The following CCDC185 variants were observed in gnomAD, a reference collection of about 807,000 sequenced individuals.
The protein encoded by CCDC185 is coiled-coil domain-containing protein 185.
For synonymous variants in CCDC185, 381 were observed against 348.1 expected, an observed-to-expected ratio of 1.09 and a Z score of -1.05; for missense variants, 982 against 825.3, an observed-to-expected ratio of 1.19 and a Z score of -2.33.
Position 223,395,007 on chromosome 1 carries a change from A to T in CCDC185, c.1532A>T (p.Asp511Val). Residue 511 changes from aspartate to valine, a missense_variant, in exon 1 of 1, where the codon GAT becomes GTT. Transcript: ENST00000366875. ...AAAAGAATTCTGGTGGAGCTGGCGG[A>T]TGAGAAGATCCGACAGGCCAGGAGT... ...MRKRILVELADEKIRQARSHV... is the reference protein window; with the variant it reads ...MRKRILVELAVEKIRQARSHV... The T allele has an allele frequency of 6.2e-7, 1 of 1,614,084 alleles. No homozygotes were observed. The highest frequency in any genetic ancestry group is 8.5e-7 in the Non-Finnish European group (1 of 1,180,004).
In CCDC185 at chr1:223,395,135, G is replaced by C. The variant is rs764756867; in HGVS notation, c.1660G>C (p.Glu554Gln). The C allele has an allele frequency of 1.9e-6, 3 of 1,614,010 alleles. No individual in the cohort carries two copies. In the African/African-American group the frequency reaches 4.0e-5, roughly 22 times the overall value. The change falls in exon 1 of 1, where the codon GAA (glutamate) becomes CAA (glutamine). Residue 554 changes from glutamate (E) to glutamine (Q), a missense_variant. Transcript: ENST00000366875. The part of the protein sequence containing the change: ...HILKLKAEKE[E>Q]KCHIEGIKEA... ...CCTGAAACTGAAAGCCGAGAAGGAGGAAAAGTGTCACATTGAGGGCATCAA... is the reference window on the plus strand; with the variant it reads ...CCTGAAACTGAAAGCCGAGAAGGAGCAAAAGTGTCACATTGAGGGCATCAA...
Position 223,393,660 on chromosome 1 carries a change from C to G in CCDC185, c.185C>G (p.Pro62Arg). The G allele has an allele frequency of 3.2e-6, 5 of 1,562,872 alleles. No homozygotes were observed. Among genetic ancestry groups the G allele is most frequent in the Non-Finnish European group, 4.3e-6 (5 of 1,159,498 alleles). ...GAAGCTGGGGCGTGCTGGCTGCACC[C>G]GCACTGTTCGTTCACCCCGCGGCCT... ...ESEAGACWLH[P>R]HCSFTPRPRR... is the part of the protein sequence containing the mutation. The change falls in exon 1 of 1, where the codon CCG becomes CGG. Residue 62 changes from proline to arginine, a missense_variant. Pro to Arg is a moderately radical substitution (Grantham distance 103). Transcript: ENST00000366875. This position sits in a 1 kb window ranked among gnomAD's most constrained non-coding sequence, Gnocchi z 4.8.
chr1:223,394,230 T>G lies in CCDC185; in HGVS notation c.755T>G (p.Val252Gly). 1 of 1,613,912 alleles carries G rather than the reference T, an allele frequency of 6.2e-7. No individual in the cohort carries two copies. The highest frequency in any genetic ancestry group is 8.5e-7 in the Non-Finnish European group (1 of 1,180,032). The change falls in exon 1 of 1, where the codon GTG (valine) becomes GGG (glycine). Residue 252 changes from valine (V) to glycine (G), a missense_variant. By Grantham distance (109) the Val-to-Gly change is moderately radical (BLOSUM62 -3). Coordinates refer to ENST00000366875, the MANE Select transcript of CCDC185 (RefSeq NM_152610.3). Reference protein sequence around the residue: ...VLKSKLEEVVVSSQDQQIVAL... With the variant: ...VLKSKLEEVVGSSQDQQIVAL... ...AAGAGCAAGCTGGAAGAGGTGGTGG[T>G]GTCCTCCCAGGACCAGCAGATTGTG... is the stretch of plus-strand genomic sequence containing the variant.
rs1175836598 is a variant in CCDC185, at chr1:223,393,660, C to T, written c.185C>T (p.Pro62Leu). 2.6e-6 allele frequency: 4 copies of T among 1,562,872 alleles called. No individual in the cohort carries two copies. In the African/African-American group the frequency reaches 4.1e-5, roughly 16 times the overall value. ...GAAGCTGGGGCGTGCTGGCTGCACCCGCACTGTTCGTTCACCCCGCGGCCT... is the reference window on the plus strand; with the variant it reads ...GAAGCTGGGGCGTGCTGGCTGCACCTGCACTGTTCGTTCACCCCGCGGCCT... ...ESEAGACWLH[P>L]HCSFTPRPRR... The change falls in exon 1 of 1, where the codon CCG becomes CTG. Residue 62 changes from proline (P) to leucine (L), a missense_variant. By Grantham distance (98) the Pro-to-Leu change is moderately conservative. Transcript: ENST00000366875. This position sits in a 1 kb window ranked among gnomAD's most constrained non-coding sequence, Gnocchi z 4.8.
chr1:223,394,947 G>T lies in CCDC185; in HGVS notation c.1472G>T (p.Arg491Leu). ...EEEQLQQARW[R>L]AGESEEQRKM... ...GAGCAGTTGCAGCAGGCCAGGTGGC[G>T]CGCAGGGGAGTCAGAGGAACAGAGG... The change falls in exon 1 of 1, where the codon CGC becomes CTC. Residue 491 changes from arginine to leucine, a missense_variant. Physicochemically the swap from Arg to Leu is moderately radical, Grantham distance 102. Transcript: ENST00000366875. 1 of 1,614,154 alleles carries T rather than the reference G, an allele frequency of 6.2e-7. No individual in the cohort carries two copies. The highest frequency in any genetic ancestry group is 1.3e-5 in the African/African-American group (1 of 75,032).
rs1220552823 is a variant in CCDC185, at chr1:223,394,148, G to T, written c.673G>T (p.Asp225Tyr). ...SDQVESLASR[D>Y]SQPLASSKEM... The stretch of plus-strand genomic sequence containing the variant: ...CCAGGTTGAGTCATTAGCCAGCCGG[G>T]ACTCCCAGCCCTTGGCCTCCAGCAA... The change falls in exon 1 of 1, where the codon GAC becomes TAC. Residue 225 changes from aspartate (D) to tyrosine (Y), a missense_variant. By Grantham distance (160) the Asp-to-Tyr change is radical (BLOSUM62 -3). Transcript: ENST00000366875. 6.2e-7 allele frequency: 1 copy of T among 1,613,982 alleles called. No individual in the cohort carries two copies. Among genetic ancestry groups the T allele is most frequent in the Non-Finnish European group, 8.5e-7 (1 of 1,180,046 alleles).
rs772088817 is a variant in CCDC185 at position 223,393,678 on chromosome 1, C to A, written c.203C>A (p.Pro68Gln). ...CWLHPHCSFTPRPRRRGCSDS... is the reference protein window; with the variant it reads ...CWLHPHCSFTQRPRRRGCSDS... ...CTGCACCCGCACTGTTCGTTCACCC[C>A]GCGGCCTCGCAGGCGCGGGTGCTCA... The change falls in exon 1 of 1, where the codon CCG (proline) becomes CAG (glutamine). Residue 68 changes from proline (P) to glutamine (Q), a missense_variant. Coordinates refer to ENST00000366875, the MANE Select transcript of CCDC185 (RefSeq NM_152610.3). The surrounding 1 kb of genome is among the most constrained non-coding windows in gnomAD (Gnocchi z 4.8). 19 of 1,571,208 alleles carry A rather than the reference C, an allele frequency of 1.2e-5. No individual in the cohort carries two copies. The highest frequency in any genetic ancestry group is 1.5e-5 in the Non-Finnish European group (18 of 1,163,820).
At position 223,393,684 on chromosome 1, in the gene CCDC185, C is replaced by A; in HGVS notation, c.209C>A (p.Pro70His). ...CCGCACTGTTCGTTCACCCCGCGGC[C>A]TCGCAGGCGCGGGTGCTCAGATTCA... ...LHPHCSFTPR[P>H]RRRGCSDSLR... Residue 70 changes from proline to histidine, a missense_variant, in exon 1 of 1, where the codon CCT (proline) becomes CAT (histidine). Transcript: ENST00000366875. The surrounding 1 kb of genome is among the most constrained non-coding windows in gnomAD (Gnocchi z 4.8). 6.4e-7 allele frequency: 1 copy of A among 1,572,018 alleles called. No homozygotes were observed.
In CCDC185 at chr1:223,395,200, T is replaced by A. The variant is rs147127415; in HGVS notation, c.1725T>A (p.Ile575=). The change falls in exon 1 of 1, where the codon ATT becomes ATA. Residue 575 remains isoleucine (I), a synonymous_variant. Transcript: ENST00000366875. ...AAAAGGAGCAGAGGGTGCAGCACAT[T>A]TCCCAAGGGAAAGACCCAAACTTCC... is the stretch of plus-strand genomic sequence containing the variant. ...IKKKEQRVQH[I]SQGKDPNFQE... is the part of the protein sequence containing the mutation. 1.9e-6 allele frequency: 3 copies of A among 1,613,262 alleles called. No homozygotes were observed. Among genetic ancestry groups the A allele is most frequent in the Non-Finnish European group, 2.5e-6 (3 of 1,179,836 alleles).
chr1:223,395,433 T>C lies in CCDC185; in HGVS notation c.*86T>C, dbSNP rs1188264965. 4 of 1,294,826 alleles carry C rather than the reference T, an allele frequency of 3.1e-6. No individual in the cohort carries two copies. The highest frequency in any genetic ancestry group is 2.0e-4 in the Middle Eastern group (1 of 5,056). The allele number at this position is 1,294,826 out of a possible 1,614,324, so 80.2% of individuals were successfully genotyped here. A position where few individuals can be genotyped will look rare whatever the true frequency, so the allele number is the denominator to read the frequency against. ...TTTGTAATCTGATTATAATTGAACA[T>C]TGATTTTAAAAAAGCATGTAAAATA... On this transcript the variant is annotated 3_prime_UTR_variant, in exon 1 of 1. Coordinates refer to ENST00000366875, the MANE Select transcript of CCDC185 (RefSeq NM_152610.3).
rs1350026951 is a variant in CCDC185, at chr1:223,394,066, G to A, written c.591G>A (p.Ser197=). The change falls in exon 1 of 1, where the codon TCG becomes TCA. Residue 197 remains serine (S), a synonymous_variant. Transcript: ENST00000366875. The stretch of plus-strand genomic sequence containing the variant: ...CCTCGGAGCGGTCTTCTGTGCCCTC[G>A]CAAAAGTTCAAGAGGCACTCAGCCT... ...SVPSERSSVP[S]QKFKRHSACV... The A allele has an allele frequency of 1.2e-6, 2 of 1,614,174 alleles. No individual in the cohort carries two copies. Among genetic ancestry groups the A allele is most frequent in the Non-Finnish European group, 8.5e-7 (1 of 1,180,040 alleles).
In CCDC185 at chr1:223,393,599, G is replaced by C; in HGVS notation, c.124G>C (p.Ala42Pro). Residue 42 changes from alanine to proline, a missense_variant, in exon 1 of 1, where the codon GCG becomes CCG. Transcript: ENST00000366875. This position sits in a 1 kb window ranked among gnomAD's most constrained non-coding sequence, Gnocchi z 4.8. ...GCAGAGGTCCGGAGCCGACTCCACC[G>C]CGTGCTCCCGGGCCGGGACTCCGGG... is the stretch of plus-strand genomic sequence containing the variant. ...GGQRSGADST[A>P]CSRAGTPGAE... The C allele has an allele frequency of 6.5e-7, 1 of 1,526,810 alleles. No individual in the cohort carries two copies. The allele number at this position is 1,526,810 out of a possible 1,614,324, so 94.6% of individuals were successfully genotyped here. A position where few individuals can be genotyped will look rare whatever the true frequency, so the allele number is the denominator to read the frequency against.
In CCDC185 at chr1:223,394,843, C is replaced by T; in HGVS notation, c.1368C>T (p.Phe456=). 1 of 1,613,810 alleles carries T rather than the reference C, an allele frequency of 6.2e-7. No individual in the cohort carries two copies. The highest frequency in any genetic ancestry group is 8.5e-7 in the Non-Finnish European group (1 of 1,179,778). The change falls in exon 1 of 1, where the codon TTC becomes TTT. Residue 456 remains phenylalanine, a synonymous_variant. Coordinates refer to ENST00000366875, the MANE Select transcript of CCDC185 (RefSeq NM_152610.3). ...GGCAGCTGTCCCTGGAACAAAGTTT[C>T]CAGCGGTCCCAGGAGATACACCAGG... ...LLRQLSLEQS[F]QRSQEIHQGL...
chr1:223,393,785 A>G lies in CCDC185; in HGVS notation c.310A>G (p.Arg104Gly). 6.4e-7 allele frequency: 1 copy of G among 1,571,960 alleles called. No individual in the cohort carries two copies. Among genetic ancestry groups the G allele is most frequent in the Non-Finnish European group, 8.6e-7 (1 of 1,160,464 alleles). Residue 104 changes from arginine (R) to glycine (G), a missense_variant, in exon 1 of 1, where the codon AGG becomes GGG. Arg to Gly is a moderately radical substitution (Grantham distance 125). Coordinates refer to ENST00000366875, the MANE Select transcript of CCDC185 (RefSeq NM_152610.3). The surrounding 1 kb of genome is among the most constrained non-coding windows in gnomAD (Gnocchi z 4.8). ...ERSRKHRPRS[R>G]RLEDAWGETG... ...TTCCAGGAAGCACCGGCCCCGCAGC[A>G]GGCGCCTGGAAGATGCCTGGGGAGA...
In CCDC185 at chr1:223,394,497, C is replaced by T. The variant is rs764777306; in HGVS notation, c.1022C>T (p.Pro341Leu). 64 of 1,584,558 alleles carry T rather than the reference C, an allele frequency of 4.0e-5. No individual in the cohort carries two copies. The highest frequency in any genetic ancestry group is 3.3e-5 in the Non-Finnish European group (39 of 1,166,598). The change falls in exon 1 of 1, where the codon CCG becomes CTG. Residue 341 changes from proline to leucine, a missense_variant. Physicochemically the swap from Pro to Leu is moderately conservative, Grantham distance 98. Coordinates refer to ENST00000366875, the MANE Select transcript of CCDC185 (RefSeq NM_152610.3). The part of the protein sequence containing the change: ...RRDSQRKNVP[P>L]GESRWKEQPE... ...GACAGCCAGAGGAAGAACGTGCCCC[C>T]GGGGGAAAGCCGGTGGAAGGAGCAA...
rs1426705467 is a variant in CCDC185, at chr1:223,395,279, A to T, written c.1804A>T (p.Asn602Tyr). The T allele has an allele frequency of 6.4e-7, 1 of 1,568,820 alleles. No homozygotes were observed. The stretch of plus-strand genomic sequence containing the variant: ...CAGGAGAGAGGAGAGAGCGCCTCCC[A>T]ACAGCTCCCTTGATCAGATGGTACT... The part of the protein sequence containing the change: ...ASRREERAPP[N>Y]SSLDQMVLEA... The change falls in exon 1 of 1, where the codon AAC becomes TAC. Residue 602 changes from asparagine (N) to tyrosine (Y), a missense_variant. Coordinates refer to ENST00000366875, the MANE Select transcript of CCDC185 (RefSeq NM_152610.3).
chr1:223,394,415 CAGG>C lies in CCDC185; in HGVS notation c.943_945del (p.Glu315del), dbSNP rs1406831797. 1.3e-6 allele frequency: 2 copies of C among 1,567,802 alleles called. No homozygotes were observed. The highest frequency in any genetic ancestry group is 1.7e-6 in the Non-Finnish European group (2 of 1,157,082). The stretch of plus-strand genomic sequence containing the variant: ...GCTGCGGCAGAGCCAGGAGCAGTGG[CAGG>C]AGAAGGAGCAGCGCAAGACCCTCCA... On this transcript the variant is annotated inframe_deletion, in exon 1 of 1. Transcript: ENST00000366875.
Position 223,394,068 on chromosome 1 carries a change from A to T in CCDC185, c.593A>T (p.Gln198Leu). The T allele has an allele frequency of 6.2e-7, 1 of 1,614,158 alleles. No homozygotes were observed. Residue 198 changes from glutamine (Q) to leucine (L), a missense_variant, in exon 1 of 1, where the codon CAA (glutamine) becomes CTA (leucine). Gln to Leu is a moderately radical substitution (Grantham distance 113). Coordinates refer to ENST00000366875, the MANE Select transcript of CCDC185 (RefSeq NM_152610.3). ...TCGGAGCGGTCTTCTGTGCCCTCGC[A>T]AAAGTTCAAGAGGCACTCAGCCTGC... ...VPSERSSVPS[Q>L]KFKRHSACVC...
rs201097587 is a variant in CCDC185, at chr1:223,393,571, C to T, written c.96C>T (p.Gly32=). Residue 32 remains glycine (G), a synonymous_variant, in exon 1 of 1, where the codon GGC becomes GGT. Transcript: ENST00000366875. This position sits in a 1 kb window ranked among gnomAD's most constrained non-coding sequence, Gnocchi z 4.8. ...GGERESTQRL[G]GQRSGADSTA... ...AACGAGAGTCCACGCAGCGGCTGGG[C>T]GGGCAGAGGTCCGGAGCCGACTCCA... 5 of 1,545,692 alleles carry T rather than the reference C, an allele frequency of 3.2e-6. No individual in the cohort carries two copies. Among genetic ancestry groups the T allele is most frequent in the South Asian group, 1.2e-5 (1 of 82,006 alleles).
Sources: gnomAD v4.1 joint callset for allele counts on GRCh38, gnomAD v4.1.1 for gene constraint, Gnocchi (gnomAD v3.1) non-coding constraint, MANE v1.5 for transcripts, NCBI Gene and HGNC (gene_info 2026-07-23, HGNC 2026-07-21) for gene names.